The following GRAMD1B variants were observed in gnomAD, a reference collection of about 807,000 sequenced individuals.
GRAMD1B encodes the protein GRAM domain containing 1B, also known as protein Aster-B.
A neutral mutation model predicts 99.7 loss-of-function variants in GRAMD1B; 37 were observed. The observed-to-expected ratio is 0.37, with a 90% CI of 0.29 to 0.49. The LOEUF is 0.49. Ranked by LOEUF, GRAMD1B falls within the 20% of genes least tolerant of loss-of-function variation. GRAMD1B has a pLI of 0.98. For synonymous variants in GRAMD1B, 427 were observed against 387.6 expected (o/e 1.10, Z -1.19); for missense variants, 888 against 1,009.2 (o/e 0.88, Z 1.63).
Position 123,388,571 on chromosome 11 carries a change from G to T in GRAMD1B, c.-176+29772G>T, listed in dbSNP as rs146865610. ...TACCTGTAGTCCCAGCTACTCGAGAGGCTGAGGTGGGAGGATCACTTGAGC... is the reference window on the plus strand; with the variant it reads ...TACCTGTAGTCCCAGCTACTCGAGATGCTGAGGTGGGAGGATCACTTGAGC... On this transcript the variant is annotated intron_variant, in intron 1 of 20. Transcript: ENST00000638157. Among the ~76,000 whole-genome samples, 485 of 152,244 alleles carry T rather than the reference G, an allele frequency of 3.2e-3. 2 individuals carry two copies. Among genetic ancestry groups the T allele is most frequent in the African/African-American group, 0.011 (456 of 41,536 alleles).
At chr11:123,418,770 G>C (rs963421297) in intron 1 of GRAMD1B, among the ~76,000 whole-genome samples, 1 of 152,160 alleles carries the variant, frequency 6.6e-6, no homozygotes, top group African/African-American at 2.4e-5. Flanking sequence ...AGACTTCCAG[G>C]CTGGGAAATA....
intron 1 of GRAMD1B, among the ~76,000 whole-genome samples, chr11:123,431,495 C>T (rs1948887564): frequency 6.6e-6 from 1 of 152,222 alleles, no homozygotes; most frequent in Non-Finnish European, 1.5e-5. Context: ...TTACCATGTG[C>T]GGGCCACTAT....
intron 4 of GRAMD1B, among the ~76,000 whole-genome samples, chr11:123,588,162 G>A (rs556458998): frequency 7.9e-5 from 12 of 152,118 alleles, no homozygotes; most frequent in African/African-American, 2.6e-4. Context: ...GATCTTAACT[G>A]GTTTCTTCCT....
At chr11:123,378,867 TG>T (rs1316430543) in intron 1 of GRAMD1B, among the ~76,000 whole-genome samples, 1 of 152,264 alleles carries the variant, frequency 6.6e-6, no homozygotes, top group African/African-American at 2.4e-5. Flanking sequence ...AGTCTTCTCA[TG>T]CACAAGAGCA....
chr11:123,415,068 TTTTTCTTTTTTC>T (rs1166320791), intron 1 of GRAMD1B, among the ~76,000 whole-genome samples: 2 of 151,212 alleles, frequency 1.3e-5, no homozygotes, highest in Non-Finnish European at 2.9e-5. Flanking sequence ...CCTTTTCTTT[TTTTTCTTTTTTC>T]TTTTCTTTTT....
intron 3 of GRAMD1B, among the ~76,000 whole-genome samples, chr11:123,579,219 G>A (rs1056824921): frequency 6.6e-6 from 1 of 152,204 alleles, no homozygotes; most frequent in African/African-American, 2.4e-5. Context: ...GTGAGCGATA[G>A]GTGTTGTGGA....
intron 2 of GRAMD1B, among the ~76,000 whole-genome samples, chr11:123,541,098 C>T (rs904610043): frequency 3.9e-5 from 6 of 152,098 alleles, no homozygotes; most frequent in African/African-American, 1.4e-4. Context: ...CTCAGCCTCC[C>T]GAGTAGCTGG....
chr11:123,374,822 GC>G (rs1306593595), intron 1 of GRAMD1B, among the ~76,000 whole-genome samples: 1 of 152,180 alleles, frequency 6.6e-6, no homozygotes, highest in East Asian at 1.9e-4. Context: ...GTGCTGCGTT[GC>G]CATGAGGCAG....
chr11:123,614,310 T>A lies in GRAMD1B; in HGVS notation c.2228-435T>A, dbSNP rs866608204. 8.8e-3 allele frequency among the ~76,000 whole-genome samples: 1,337 copies of A among 152,314 alleles called. 8 individuals are homozygous for A. The highest frequency in any genetic ancestry group is 0.029 in the South Asian group (141 of 4,824). On this transcript the variant is annotated intron_variant, in intron 16 of 19. Transcript: ENST00000635736. ...CCCTAGCACTTCCATGTTACGTGTT[T>A]TGCATTTAAGATTTCTGACTGACAT...
intron 1 of GRAMD1B, chr11:123,358,933 T>A: frequency 6.6e-6 from 1 of 152,316 alleles, no homozygotes; most frequent in Non-Finnish European, 1.5e-5. Flanking sequence ...CATCGGAATT[T>A]TCTTAGTGAA....
upstream of GRAMD1B, among the ~76,000 whole-genome samples, chr11:123,426,901 G>T (rs1360081597): frequency 6.6e-6 from 1 of 152,204 alleles, no homozygotes; most frequent in Non-Finnish European, 1.5e-5. Context: ...CAGGTGTTGG[G>T]TGTCTTGTGT....
intron 5 of GRAMD1B, 24 bp downstream of exon 5, chr11:123,594,190 G>A: frequency 6.5e-7 from 1 of 1,539,896 alleles, no homozygotes; most frequent in Non-Finnish European, 9.0e-7. Flanking sequence ...CCTGGGAGGG[G>A]ATGGGAAGGA....
At chr11:123,575,896 A>G (rs1459092626) in intron 2 of GRAMD1B, among the ~76,000 whole-genome samples, 1 of 152,214 alleles carries the variant, frequency 6.6e-6, no homozygotes, top group Non-Finnish European at 1.5e-5. Context: ...ATGAGATTTT[A>G]AATGCAAATT....
intron 4 of GRAMD1B, among the ~76,000 whole-genome samples, chr11:123,593,536 G>GT (rs1182212923): frequency 1.3e-5 from 2 of 152,118 alleles, no homozygotes; most frequent in Non-Finnish European, 2.9e-5. Flanking sequence ...TGCCCGTTGT[G>GT]TTTTTTTAAT....
intron 2 of GRAMD1B, among the ~76,000 whole-genome samples, chr11:123,556,409 G>A (rs1946190065): frequency 6.6e-6 from 1 of 152,202 alleles, no homozygotes; most frequent in Non-Finnish European, 1.5e-5. Flanking sequence ...CACAGGAAGT[G>A]AATAAAATAC....
intron 2 of GRAMD1B, among the ~76,000 whole-genome samples, chr11:123,500,376 A>C (rs1939729563): frequency 6.6e-6 from 1 of 152,182 alleles, no homozygotes. Context: ...CCTTAAGCAG[A>C]GACTCAAGAG....
Position 123,401,575 on chromosome 11 carries a change from AAG to A in GRAMD1B, c.-176+42778_-176+42779del, listed in dbSNP as rs1947663533. Among the ~76,000 whole-genome samples the A allele has an allele frequency of 2.0e-5, 3 of 152,346 alleles. No individual in the cohort carries two copies. The South Asian group carries it at 6.2e-4, about 32-fold the overall frequency. ...AGAGGCTCCTCCATCTGGAGACTGG[AAG>A]AACCAAGGACAGGCAAGCCGCCAGA... On this transcript the variant is annotated intron_variant, in intron 1 of 20. Transcript: ENST00000638157.
intron 2 of GRAMD1B, among the ~76,000 whole-genome samples, chr11:123,555,926 G>A (rs1052448005): frequency 3.3e-5 from 5 of 151,510 alleles, no homozygotes; most frequent in Non-Finnish European, 7.4e-5. Flanking sequence ...TAGAGACAGG[G>A]TTTCACCATG....
chr11:123,591,206 A>C lies in GRAMD1B; in HGVS notation c.685-2876A>C, dbSNP rs1046378855. The C allele has an allele frequency of 2.6e-6, 1 of 386,402 alleles. No individual in the cohort carries two copies. Among genetic ancestry groups the C allele is most frequent in the Non-Finnish European group, 4.6e-6 (1 of 218,660 alleles). The allele number at this position is 386,402 out of a possible 1,614,324, so 23.9% of individuals were successfully genotyped here. Reference sequence around the variant, plus strand: ...CACCTCGGCTCACTTGTGAAGCTTCATGCTGGGCATGCAGCTCTAGGAGCA... The same window carrying C: ...CACCTCGGCTCACTTGTGAAGCTTCCTGCTGGGCATGCAGCTCTAGGAGCA... On this transcript the variant is annotated intron_variant, in intron 4 of 19. Coordinates refer to ENST00000635736, the MANE Select transcript of GRAMD1B (RefSeq NM_001387025.1). This position sits in a 1 kb window ranked among gnomAD's most constrained non-coding sequence, Gnocchi z 4.7.
Sources: gnomAD v4.1 joint callset for allele counts (sites outside exome capture counted in the v4.1 genomes callset) on GRCh38, gnomAD v4.1.1 for gene constraint, Gnocchi (gnomAD v3.1) non-coding constraint, MANE v1.5 for transcripts, NCBI Gene and HGNC (gene_info 2026-07-23, HGNC 2026-07-21) for gene names.